SPOCK1: variants seen among roughly 807,000 people sequenced by gnomAD.
SPOCK1 encodes testican-1.
SPOCK1 carries 23 observed loss-of-function variants against 55.3 expected under a neutral mutation model. That is an observed-to-expected ratio of 0.42 (90% confidence interval 0.30 to 0.59). The LOEUF (loss-of-function observed/expected upper bound fraction) is 0.59, where lower values mean the gene tolerates loss of function less well. Ranked by LOEUF, SPOCK1 falls within the 20% of genes least tolerant of loss-of-function variation. SPOCK1 has a pLI of 0.22. For synonymous variants in SPOCK1, 226 were observed against 221.0 expected, an observed-to-expected ratio of 1.02 and a Z score of -0.20; for missense variants, 499 against 552.5, an observed-to-expected ratio of 0.90 and a Z score of 0.97.
chr5:137,473,691 A>G (rs561970768), intron 2 of SPOCK1, among the ~76,000 whole-genome samples: 2 of 152,378 alleles, frequency 1.3e-5, no homozygotes, highest in African/African-American at 4.8e-5. Flanking sequence ...TTTAAAAATA[A>G]GAATTTGTCC....
rs138325889 is a variant in SPOCK1, at chr5:137,497,129, C to T, written c.186+1244G>A. Among the ~76,000 whole-genome samples, 71 of 152,268 alleles carry T rather than the reference C, an allele frequency of 4.7e-4. 1 individual carries two copies. Among genetic ancestry groups the T allele is most frequent in the Middle Eastern group, 3.4e-3 (1 of 294 alleles). On this transcript the variant is annotated intron_variant, in intron 2 of 10. Coordinates refer to ENST00000394945, the MANE Select transcript of SPOCK1 (RefSeq NM_004598.4). ...CAATGTCTCAAATTCCCTCTCCCTG[C>T]AAGGCCTGCAGATACTGAGAGCAGA...
chr5:137,153,651 C>G (rs1044995179), intron 3 of SPOCK1, among the ~76,000 whole-genome samples: 3 of 151,908 alleles, frequency 2.0e-5, no homozygotes, highest in Non-Finnish European at 2.9e-5. Flanking sequence ...CCCAGGAGTT[C>G]AAGACCAGCC....
At chr5:136,998,751 G>A (rs1271463429) in intron 6 of SPOCK1, among the ~76,000 whole-genome samples, 2 of 152,338 alleles carry the variant, frequency 1.3e-5, no homozygotes, top group Non-Finnish European at 2.9e-5. Flanking sequence ...GAAGAACTGC[G>A]AACAGCCTGC....
intron 4 of SPOCK1, among the ~76,000 whole-genome samples, chr5:137,131,699 G>A (rs1187738364): frequency 6.6e-6 from 1 of 151,520 alleles, no homozygotes; most frequent in Non-Finnish European, 1.5e-5. Context: ...CCCCCCGGGT[G>A]TGGTAGCTCA....
chr5:137,486,490 G>C (rs892693107), intron 2 of SPOCK1, among the ~76,000 whole-genome samples: 20 of 152,286 alleles, frequency 1.3e-4, no homozygotes, highest in African/African-American at 4.6e-4. Flanking sequence ...GCCTGACCAG[G>C]GGACAGGAAT....
chr5:136,978,513 G>C lies in SPOCK1; in HGVS notation c.*141C>G. ...AATCAGAATCCTCTGGGAACAAGCAGTTGTCTTCCAAACCTTAGGTCGGGT... is the reference window on the plus strand; with the variant it reads ...AATCAGAATCCTCTGGGAACAAGCACTTGTCTTCCAAACCTTAGGTCGGGT... On this transcript the variant is annotated 3_prime_UTR_variant, in exon 11 of 11. Coordinates refer to ENST00000394945, the MANE Select transcript of SPOCK1 (RefSeq NM_004598.4). 2.7e-6 allele frequency: 2 copies of C among 744,582 alleles called. No individual in the cohort carries two copies. The highest frequency in any genetic ancestry group is 6.4e-5 in the South Asian group (2 of 31,384). The allele number at this position is 744,582 out of a possible 1,614,324, so 46.1% of individuals were successfully genotyped here.
At chr5:137,014,205 T>C (rs1246601634) in intron 6 of SPOCK1, among the ~76,000 whole-genome samples, 1 of 152,144 alleles carries the variant, frequency 6.6e-6, no homozygotes, top group Non-Finnish European at 1.5e-5. Flanking sequence ...GTTTTTGCCA[T>C]GGGATATGCT....
intron 3 of SPOCK1, among the ~76,000 whole-genome samples, chr5:137,260,135 G>A (rs1756719398): frequency 6.6e-6 from 1 of 152,102 alleles, no homozygotes; most frequent in Non-Finnish European, 1.5e-5. Flanking sequence ...AGTCCAGAAA[G>A]GACATGTGAT....
intron 3 of SPOCK1, among the ~76,000 whole-genome samples, chr5:137,143,114 G>A (rs1055942784): frequency 1.3e-5 from 2 of 152,212 alleles, no homozygotes; most frequent in Middle Eastern, 3.4e-3. Flanking sequence ...GAAACCTGGG[G>A]ACTAGACCAC....
At chr5:137,479,235 A>G (rs547199513) in intron 2 of SPOCK1, among the ~76,000 whole-genome samples, 33 of 152,310 alleles carry the variant, frequency 2.2e-4, no homozygotes, top group African/African-American at 7.9e-4. Flanking sequence ...AGGAAATTCA[A>G]GAAGTCTAGC....
intron 2 of SPOCK1, among the ~76,000 whole-genome samples, chr5:137,323,835 G>A (rs904688073): frequency 5.3e-5 from 8 of 152,246 alleles, no homozygotes; most frequent in Non-Finnish European, 7.4e-5. Flanking sequence ...ATAAGTGTCG[G>A]CAAGGGTGTG....
At chr5:137,310,560 G>C (rs1375394327) in intron 2 of SPOCK1, among the ~76,000 whole-genome samples, 1 of 152,208 alleles carries the variant, frequency 6.6e-6, no homozygotes, top group African/African-American at 2.4e-5. Context: ...GCTGGCCTCT[G>C]TGGAACTTGC....
intron 2 of SPOCK1, among the ~76,000 whole-genome samples, chr5:137,363,627 A>G (rs1356239193): frequency 6.6e-6 from 1 of 152,230 alleles, no homozygotes; most frequent in Non-Finnish European, 1.5e-5. Context: ...GTCAGGAGAC[A>G]ATGTAGGGTT....
rs1554091338 is a variant in SPOCK1 at position 136,988,660 on chromosome 5, A to ATATC, written c.707-21_707-18dup. On this transcript the variant is annotated splice_polypyrimidine_tract_variant and intron_variant, in intron 7 of 10. Coordinates refer to ENST00000394945, the MANE Select transcript of SPOCK1 (RefSeq NM_004598.4). ...TGTCAAACCCTGCCAAACAAAAGGC[A>ATATC]TATCTCAGCTGCCACCAAGCCTGAT... The ATATC allele has an allele frequency of 5.0e-6, 8 of 1,603,436 alleles. No homozygotes were observed. In the South Asian group the frequency reaches 8.9e-5, roughly 18 times the overall value.
chr5:137,336,785 A>T (rs1324482686), intron 2 of SPOCK1, among the ~76,000 whole-genome samples: 1 of 152,236 alleles, frequency 6.6e-6, no homozygotes, highest in Non-Finnish European at 1.5e-5. Context: ...AAAATAGGAA[A>T]TACTTCCCTG....
chr5:137,087,982 C>A (rs949233055), intron 5 of SPOCK1, among the ~76,000 whole-genome samples: 7 of 152,174 alleles, frequency 4.6e-5, no homozygotes, highest in Non-Finnish European at 1.0e-4. Context: ...ACCACTTTCT[C>A]GTGTAAAGCT....
chr5:137,076,770 A>C (rs73294121), intron 5 of SPOCK1, among the ~76,000 whole-genome samples: 6,573 of 152,146 alleles, frequency 0.043, 242 homozygotes, highest in East Asian at 0.096. Flanking sequence ...TATTTATGGG[A>C]TATATCTTAT....
chr5:137,252,752 C>G (rs1314707883), intron 3 of SPOCK1, among the ~76,000 whole-genome samples: 1 of 152,194 alleles, frequency 6.6e-6, no homozygotes, highest in Non-Finnish European at 1.5e-5. Context: ...GATACACTAA[C>G]AAAACTACAA....
At chr5:137,018,581 G>A (rs139525911) in intron 6 of SPOCK1, among the ~76,000 whole-genome samples, 1 of 152,228 alleles carries the variant, frequency 6.6e-6, no homozygotes, top group Admixed American at 6.5e-5. Context: ...AGGAATGACT[G>A]ATGAGGCAAA....
Sources: allele counts gnomAD v4.1 joint callset (sites outside exome capture counted in the v4.1 genomes callset), GRCh38; gene constraint gnomAD v4.1.1; transcripts MANE v1.5; gene names NCBI Gene and HGNC (gene_info 2026-07-23, HGNC 2026-07-21).